Variants in TUBA8 observed in about 807,000 individuals in gnomAD.
TUBA8 encodes tubulin alpha-8 chain.
Under a neutral mutation model 34.7 loss-of-function variants are expected in TUBA8, and 29 were observed. The ratio of observed to expected loss-of-function variants is 0.84; its 90% confidence interval spans 0.62 to 1.14. The LOEUF (loss-of-function observed/expected upper bound fraction) is 1.14, where lower values mean the gene tolerates loss of function less well. Among genes scored for constraint, TUBA8 ranks in the 50% most tolerant of loss-of-function variants. TUBA8 has a pLI of 0.00. For synonymous variants in TUBA8, 226 were observed against 231.2 expected, an observed-to-expected ratio of 0.98 and a Z score of 0.21; for missense variants, 541 against 599.2, an observed-to-expected ratio of 0.90 and a Z score of 1.01.
Position 18,124,303 on chromosome 22 carries a change from T to C in TUBA8, c.374T>C (p.Leu125Pro). 6.2e-7 allele frequency: 1 copy of C among 1,613,094 alleles called. No individual in the cohort carries two copies. Among genetic ancestry groups the C allele is most frequent in the Non-Finnish European group, 8.5e-7 (1 of 1,179,664 alleles). The change falls in exon 3 of 5, where the codon CTG (leucine) becomes CCG (proline). Residue 125 changes from leucine (L) to proline (P), a missense_variant and splice_region_variant. Physicochemically the swap from Leu to Pro is moderately conservative, Grantham distance 98 (BLOSUM62 -3). Transcript: ENST00000330423. This position sits in a 1 kb window ranked among gnomAD's most constrained non-coding sequence, Gnocchi z 4.3. Reference sequence around the variant, plus strand: ...CTGGTGCTGGACCGCATACGGAAGCTGGTAAGATCAGGAGGGCAGGGGACG... The same window carrying C: ...CTGGTGCTGGACCGCATACGGAAGCCGGTAAGATCAGGAGGGCAGGGGACG... ...IDLVLDRIRK[L>P]TDACSGLQGF...
In TUBA8 at chr22:18,121,670, C is replaced by T. The variant is rs369030116; in HGVS notation, c.195C>T (p.Ala65=). ...ETGNGKHVPR[A]VMIDLEPTVV... is the part of the protein sequence containing the mutation. The stretch of plus-strand genomic sequence containing the variant: ...GCAATGGGAAGCATGTGCCCCGGGC[C>T]GTCATGATAGATCTGGAGCCTACTG... The change falls in exon 2 of 5, where the codon GCC becomes GCT. Residue 65 remains alanine, a synonymous_variant. Coordinates refer to ENST00000330423, the MANE Select transcript of TUBA8 (RefSeq NM_018943.3). This position sits in a 1 kb window ranked among gnomAD's most constrained non-coding sequence, Gnocchi z 4.8. 6.3e-5 allele frequency: 101 copies of T among 1,614,092 alleles called. No homozygotes were observed. Among genetic ancestry groups the T allele is most frequent in the South Asian group, 8.8e-5 (8 of 91,088 alleles).
chr22:18,124,125 G>A lies in TUBA8; in HGVS notation c.227-31G>A, dbSNP rs1340096420. 3 of 1,614,014 alleles carry A rather than the reference G, an allele frequency of 1.9e-6. No individual in the cohort carries two copies. Among genetic ancestry groups the A allele is most frequent in the Middle Eastern group, 1.7e-4 (1 of 6,056 alleles). On this transcript the variant is annotated intron_variant, in intron 2 of 4. Coordinates refer to ENST00000330423, the MANE Select transcript of TUBA8 (RefSeq NM_018943.3). The surrounding 1 kb of genome is among the most constrained non-coding windows in gnomAD (Gnocchi z 4.3). ...GGGAGGGAGGCTTCTCCCCTGGGCA[G>A]TAGGACCTAATGGTCTTCCTCTCTT...
chr22:18,116,215 G>A (rs984517012), intron 1 of TUBA8: 2 of 148,698 alleles, frequency 1.3e-5, no homozygotes, highest in African/African-American at 4.9e-5. Flanking sequence ...CATTTTCAAA[G>A]AGGCCGCCCC....
In TUBA8 at chr22:18,111,114, G is replaced by A; in HGVS notation, c.3+246G>A. On this transcript the variant is annotated intron_variant, in intron 1 of 4. Coordinates refer to ENST00000330423, the MANE Select transcript of TUBA8 (RefSeq NM_018943.3). The surrounding 1 kb of genome is among the most constrained non-coding windows in gnomAD (Gnocchi z 5.1). ...AAAGGGACCTAAGGGAGCTTTGCGT[G>A]CAGACGAGGGGGAGGGAGGCCCTGG... The A allele has an allele frequency of 1.6e-6, 1 of 608,452 alleles. No homozygotes were observed. The highest frequency in any genetic ancestry group is 2.9e-6 in the Non-Finnish European group (1 of 350,776). 37.7% of individuals were successfully genotyped at this position (608,452 alleles called of 1,614,324 possible). A position where few individuals can be genotyped will look rare whatever the true frequency, so the allele number is the denominator to read the frequency against.
rs1009215016 is a variant in TUBA8, at chr22:18,124,826, G to A, written c.375+522G>A. 6.5e-6 allele frequency: 1 copy of A among 155,022 alleles called. No homozygotes were observed. Among genetic ancestry groups the A allele is most frequent in the Admixed American group, 6.3e-5 (1 of 15,974 alleles). 9.6% of individuals were successfully genotyped at this position (155,022 alleles called of 1,614,324 possible). ...GGTCACACAGCTAAAAAGTGGCAGA[G>A]CTGGGGTTTGAACTCAGTTGGACTA... On this transcript the variant is annotated intron_variant, in intron 3 of 4. Coordinates refer to ENST00000330423, the MANE Select transcript of TUBA8 (RefSeq NM_018943.3). This position sits in a 1 kb window ranked among gnomAD's most constrained non-coding sequence, Gnocchi z 4.3.
rs150760289 is a variant in TUBA8 at position 18,125,118 on chromosome 22, C to T, written c.375+814C>T. 30 of 152,318 alleles carry T rather than the reference C, an allele frequency of 2.0e-4. 1 individual carries two copies. The highest frequency in any genetic ancestry group is 6.0e-4 in the African/African-American group (25 of 41,568). The allele number at this position is 152,318 out of a possible 1,614,324, so 9.4% of individuals were successfully genotyped here. A position where few individuals can be genotyped will look rare whatever the true frequency, so the allele number is the denominator to read the frequency against. ...GAATTCTCTGGTGAGAGCTGACATC[C>T]GTGCTTACAACGTATCAGGCCCTTG... On this transcript the variant is annotated intron_variant, in intron 3 of 4. Transcript: ENST00000330423.
chr22:18,110,859 G>C lies in TUBA8; in HGVS notation c.-7G>C, dbSNP rs759100008. 7.5e-5 allele frequency: 116 copies of C among 1,546,392 alleles called. No individual in the cohort carries two copies. The highest frequency in any genetic ancestry group is 7.2e-4 in the African/African-American group (53 of 73,934). On this transcript the variant is annotated 5_prime_UTR_variant, in exon 1 of 5. Transcript: ENST00000330423. This position sits in a 1 kb window ranked among gnomAD's most constrained non-coding sequence, Gnocchi z 6.2. ...TGAGAGGTGCGCGGGCGAGGACAGC[G>C]GCAGCGATGGTGAGGCTTCCCGGGG...
Position 18,121,406 on chromosome 22 carries a change from G to A in TUBA8, c.4-73G>A, listed in dbSNP as rs767953207. On this transcript the variant is annotated intron_variant, in intron 1 of 4. Coordinates refer to ENST00000330423, the MANE Select transcript of TUBA8 (RefSeq NM_018943.3). The surrounding 1 kb of genome is among the most constrained non-coding windows in gnomAD (Gnocchi z 4.8). ...GGCCTGGCTGGCCTGCAAGGTGAAT[G>A]TTATGGGGATGTAGGGCAAAGGCAT... 7.2e-7 allele frequency: 1 copy of A among 1,386,790 alleles called. No individual in the cohort carries two copies. The highest frequency in any genetic ancestry group is 1.2e-5 in the South Asian group (1 of 86,270). The allele number at this position is 1,386,790 out of a possible 1,614,324, so 85.9% of individuals were successfully genotyped here. A position where few individuals can be genotyped will look rare whatever the true frequency, so the allele number is the denominator to read the frequency against.
Position 18,126,023 on chromosome 22 carries a change from A to C in TUBA8, c.376-331A>C. ...ACTACAGGTGTGCATCACCACGCCCAGTTAACTTTTAAAATTTTTTGTAGA... is the reference window on the plus strand; with the variant it reads ...ACTACAGGTGTGCATCACCACGCCCCGTTAACTTTTAAAATTTTTTGTAGA... On this transcript the variant is annotated intron_variant, in intron 3 of 4. Coordinates refer to ENST00000330423, the MANE Select transcript of TUBA8 (RefSeq NM_018943.3). This position sits in a 1 kb window ranked among gnomAD's most constrained non-coding sequence, Gnocchi z 4.0. 1 of 348,516 alleles carries C rather than the reference A, an allele frequency of 2.9e-6. No individual in the cohort carries two copies. The allele number at this position is 348,516 out of a possible 1,614,324, so 21.6% of individuals were successfully genotyped here.
chr22:18,115,173 C>A (rs1018285422), intron 1 of TUBA8: 1 of 152,298 alleles, frequency 6.6e-6, no homozygotes, highest in African/African-American at 2.4e-5. Flanking sequence ...CCTCAGCCTG[C>A]GCTCCGGACA....
chr22:18,122,954 C>T (rs928489781), intron 2 of TUBA8: 3 of 150,978 alleles, frequency 2.0e-5, no homozygotes, highest in African/African-American at 7.3e-5. Flanking sequence ...ACTAAAATTA[C>T]AAAAAATTAG....
In TUBA8 at chr22:18,124,252, A is replaced by AC. The variant is rs1928249888; in HGVS notation, c.324dup (p.Thr109HisfsTer8). The AC allele has an allele frequency of 6.2e-7, 1 of 1,614,030 alleles. No homozygotes were observed. Among genetic ancestry groups the AC allele is most frequent in the African/African-American group, 1.3e-5 (1 of 74,934 alleles). ...GCCAACAACTATGCCCGGGGCCACT[A>AC]CACGGTGGGCAAGGAGAGCATTGAC... is the stretch of plus-strand genomic sequence containing the variant. On this transcript the variant is annotated frameshift_variant, in exon 3 of 5. Coordinates refer to ENST00000330423, the MANE Select transcript of TUBA8 (RefSeq NM_018943.3). LOFTEE classifies it high-confidence loss of function. The surrounding 1 kb of genome is among the most constrained non-coding windows in gnomAD (Gnocchi z 4.3).
At chr22:18,120,753 T>A (rs1569198893) in intron 1 of TUBA8, 1 of 152,470 alleles carries the variant, frequency 6.6e-6, no homozygotes, top group Non-Finnish European at 1.5e-5. Context: ...ACTCCCCATC[T>A]TAAGCTGTTA....
chr22:18,125,581 A>G (rs748964574), intron 3 of TUBA8: 4 of 152,044 alleles, frequency 2.6e-5, no homozygotes, highest in Non-Finnish European at 5.9e-5. Context: ...AGTTCTTACA[A>G]CCAAGAAATG....
At chr22:18,112,714 C>A (rs1471571714) in intron 1 of TUBA8, 3 of 152,214 alleles carry the variant, frequency 2.0e-5, no homozygotes, top group African/African-American at 7.2e-5. Context: ...TGAAATGCGA[C>A]CACCTTTCAT....
chr22:18,130,988 A>G lies in TUBA8; in HGVS notation c.1202A>G (p.Lys401Arg), dbSNP rs960470087. Reference sequence around the variant, plus strand: ...CACAAGTTCGACCTCATGTACGCCAAGCGGGCCTTTGTGCATTGGTATGTG... The same window carrying G: ...CACAAGTTCGACCTCATGTACGCCAGGCGGGCCTTTGTGCATTGGTATGTG... Reference protein sequence around the residue: ...LDHKFDLMYAKRAFVHWYVGE... With the variant: ...LDHKFDLMYARRAFVHWYVGE... Residue 401 changes from lysine to arginine, a missense_variant, in exon 5 of 5, where the codon AAG (lysine) becomes AGG (arginine). Physicochemically the swap from Lys to Arg is conservative, Grantham distance 26. Coordinates refer to ENST00000330423, the MANE Select transcript of TUBA8 (RefSeq NM_018943.3). 3 of 1,614,034 alleles carry G rather than the reference A, an allele frequency of 1.9e-6. No individual in the cohort carries two copies. The highest frequency in any genetic ancestry group is 1.3e-5 in the African/African-American group (1 of 74,926).
intron 4 of TUBA8, chr22:18,130,606 T>G (rs77487760): frequency 3.7e-6 from 2 of 542,944 alleles, no homozygotes; most frequent in Non-Finnish European, 6.4e-6. Flanking sequence ...TTTTTTTTTT[T>G]GGTAGAGATG....
In TUBA8 at chr22:18,121,606, A is replaced by G. The variant is rs1353473484; in HGVS notation, c.131A>G (p.Asn44Ser). 1.9e-6 allele frequency: 3 copies of G among 1,614,234 alleles called. No individual in the cohort carries two copies. The highest frequency in any genetic ancestry group is 1.6e-4 in the Middle Eastern group (1 of 6,062). The change falls in exon 2 of 5, where the codon AAC (asparagine) becomes AGC (serine). Residue 44 changes from asparagine to serine, a missense_variant. By Grantham distance (46) the Asn-to-Ser change is conservative. Transcript: ENST00000330423. This position sits in a 1 kb window ranked among gnomAD's most constrained non-coding sequence, Gnocchi z 4.8. Reference protein sequence around the residue: ...GTFDAQASKINDDDSFTTFFS... With the variant: ...GTFDAQASKISDDDSFTTFFS... Reference sequence around the variant, plus strand: ...TTTGATGCTCAAGCTAGCAAGATCAACGATGATGACTCCTTCACCACCTTT... The same window carrying G: ...TTTGATGCTCAAGCTAGCAAGATCAGCGATGATGACTCCTTCACCACCTTT...
chr22:18,117,170 A>C (rs1928000381), intron 1 of TUBA8: 1 of 152,150 alleles, frequency 6.6e-6, no homozygotes, highest in South Asian at 2.1e-4. Flanking sequence ...TATTATCTAG[A>C]TTTAAGAAGA....
Sources: allele counts gnomAD v4.1 joint callset, GRCh38; gene constraint gnomAD v4.1.1; non-coding constraint Gnocchi (gnomAD v3.1); transcripts MANE v1.5; gene names NCBI Gene and HGNC (gene_info 2026-07-23, HGNC 2026-07-21).